The following ZNF133 variants were observed in gnomAD, a reference collection of about 807,000 sequenced individuals.
The protein encoded by ZNF133 is zinc finger protein 133 (clone pHZ-13).
In ZNF133, 26 loss-of-function variants were observed where a neutral mutation model predicts 54.9. That is an observed-to-expected ratio of 0.47 (90% CI 0.35 to 0.66). The LOEUF is 0.66. Ranked by LOEUF, ZNF133 falls within the 30% of genes least tolerant of loss-of-function variation. ZNF133 has a pLI of 0.01. For synonymous variants in ZNF133, 298 were observed against 320.3 expected, an observed-to-expected ratio of 0.93 and a Z score of 0.74; for missense variants, 653 against 820.8, an observed-to-expected ratio of 0.80 and a Z score of 2.50.
chr20:18,314,961 G>A, intron 6 of ZNF133, 108 bp from the exon 7 acceptor site: 1 of 1,094,158 alleles, frequency 9.1e-7, no homozygotes, highest in Non-Finnish European at 1.3e-6. Flanking sequence ...GTCCCGGTTG[G>A]ATGGCACTTA....
chr20:18,307,159 A>G (rs2044827231), intron 6 of ZNF133, among the ~76,000 whole-genome samples: 1 of 152,098 alleles, frequency 6.6e-6, no homozygotes. Context: ...TTTGTTTTCT[A>G]CAATGTATTT....
In ZNF133 at chr20:18,305,681, G is replaced by A. The variant is rs2044419914; in HGVS notation, c.-6G>A. 1.2e-6 allele frequency: 2 copies of A among 1,614,032 alleles called. No individual in the cohort carries two copies. The highest frequency in any genetic ancestry group is 4.5e-5 in the East Asian group (2 of 44,878). On this transcript the variant is annotated splice_region_variant and 5_prime_UTR_variant, in exon 5 of 7. Coordinates refer to ENST00000425686, the MANE Select transcript of ZNF133 (RefSeq NM_001352452.2). This position sits in a 1 kb window ranked among gnomAD's most constrained non-coding sequence, Gnocchi z 4.7. ...AGCAGGGCTCAGTTTTGTGTTACAG[G>A]CACACATGGCATTCAGGGATGTGGC...
intron 3 of ZNF133, among the ~76,000 whole-genome samples, chr20:18,298,956 AAAAAC>A (rs542025406): frequency 6.7e-4 from 102 of 152,292 alleles, no homozygotes; most frequent in Middle Eastern, 3.4e-3. Flanking sequence ...CATCAATATT[AAAAAC>A]AAAACAAAAC....
chr20:18,311,185 G>A (rs1052588158), intron 6 of ZNF133, among the ~76,000 whole-genome samples: 1 of 152,122 alleles, frequency 6.6e-6, no homozygotes, highest in African/African-American at 2.4e-5. Flanking sequence ...CCAGGGTGAG[G>A]TGTTGTGTGC....
chr20:18,303,500 G>GA (rs2043886742), intron 3 of ZNF133, among the ~76,000 whole-genome samples: 1 of 152,132 alleles, frequency 6.6e-6, no homozygotes, highest in Non-Finnish European at 1.5e-5. Context: ...AAACAATCAT[G>GA]AAAGAGAACC....
At chr20:18,298,107 C>T in intron 2 of ZNF133, 45 bp downstream of exon 2, 1 of 1,535,228 alleles carries the variant, frequency 6.5e-7, no homozygotes, top group South Asian at 1.2e-5. Context: ...AGGATGGACA[C>T]ATTCCCTTCT....
In ZNF133 at chr20:18,305,641, G is replaced by C; in HGVS notation, c.-6-40G>C. 1 of 1,613,704 alleles carries C rather than the reference G, an allele frequency of 6.2e-7. No homozygotes were observed. The highest frequency in any genetic ancestry group is 8.5e-7 in the Non-Finnish European group (1 of 1,179,966). On this transcript the variant is annotated intron_variant, in intron 4 of 6. Transcript: ENST00000425686. This position sits in a 1 kb window ranked among gnomAD's most constrained non-coding sequence, Gnocchi z 4.7. ...TGCCCCTCACCCTGCCATGGGCAAG[G>C]CTGGCTTCTGAGTGAGCAGGGCTCA...
At chr20:18,290,901 C>T (rs1443293628) in intron 1 of ZNF133, among the ~76,000 whole-genome samples, 2 of 152,134 alleles carry the variant, frequency 1.3e-5, no homozygotes, top group Non-Finnish European at 2.9e-5. Flanking sequence ...CCAGAGCGGG[C>T]AGATCACCTG....
intron 1 of ZNF133, among the ~76,000 whole-genome samples, chr20:18,291,706 T>C (rs2041042609): frequency 6.9e-6 from 1 of 145,826 alleles, no homozygotes; most frequent in Admixed American, 6.9e-5. Flanking sequence ...CATTTCCAGT[T>C]GGATTTTTTT....
chr20:18,298,976 C>CA (rs2042808604), intron 3 of ZNF133, among the ~76,000 whole-genome samples: 1 of 151,454 alleles, frequency 6.6e-6, no homozygotes, highest in African/African-American at 2.4e-5. Flanking sequence ...CAAAACAAAA[C>CA]AAAAAAACAA....
At position 18,298,366 on chromosome 20, in the gene ZNF133, A is replaced by T; in HGVS notation, c.-276A>T. ...TTCTGGAATCTGTGTCCCCACCTAG[A>T]CAACGATTATACTGGCAGGATCTAT... On this transcript the variant is annotated 5_prime_UTR_variant, in exon 3 of 7. Coordinates refer to ENST00000425686, the MANE Select transcript of ZNF133 (RefSeq NM_001352452.2). The T allele has an allele frequency of 8.0e-7, 1 of 1,242,622 alleles. No individual in the cohort carries two copies. Among genetic ancestry groups the T allele is most frequent in the Non-Finnish European group, 1.0e-6 (1 of 986,596 alleles). 77.0% of individuals were successfully genotyped at this position (1,242,622 alleles called of 1,614,324 possible).
chr20:18,303,797 T>C (rs2043961102), intron 3 of ZNF133, among the ~76,000 whole-genome samples: 2 of 152,152 alleles, frequency 1.3e-5, no homozygotes, highest in Non-Finnish European at 2.9e-5. Flanking sequence ...TAACTGAAAA[T>C]GGATCGAAGA....
At chr20:18,298,645 A>G (rs952249317) in intron 3 of ZNF133, among the ~76,000 whole-genome samples, 181 bp downstream of exon 3, 1 of 152,162 alleles carries the variant, frequency 6.6e-6, no homozygotes, top group Non-Finnish European at 1.5e-5. Context: ...CTGATTGTTA[A>G]TTGCTGTTTC....
At position 18,316,530 on chromosome 20, in the gene ZNF133, G is replaced by C. The variant is rs775444480; in HGVS notation, c.1679G>C (p.Gly560Ala). The C allele has an allele frequency of 3.7e-6, 6 of 1,614,038 alleles. No individual in the cohort carries two copies. In the East Asian group the frequency reaches 1.3e-4, roughly 36 times the overall value. ...YMCRQCGLGFGNKSALITHKR... is the reference protein window; with the variant it reads ...YMCRQCGLGFANKSALITHKR... Reference sequence around the variant, plus strand: ...TGCAGGCAGTGTGGACTGGGCTTTGGCAATAAGTCAGCTCTAATTACACAC... The same window carrying C: ...TGCAGGCAGTGTGGACTGGGCTTTGCCAATAAGTCAGCTCTAATTACACAC... The change falls in exon 7 of 7, where the codon GGC (glycine) becomes GCC (alanine). Residue 560 changes from glycine to alanine, a missense_variant. Gly to Ala is a moderately conservative substitution (Grantham distance 60). This residue lies in a region of ZNF133 where 129 missense variants were observed against 138.5 expected (regional missense o/e 0.93). Coordinates refer to ENST00000425686, the MANE Select transcript of ZNF133 (RefSeq NM_001352452.2).
At chr20:18,311,161 A>T (rs2843445) in intron 6 of ZNF133, among the ~76,000 whole-genome samples, 151,490 of 152,106 alleles carry the variant, frequency 1, 75,437 homozygotes, top group East Asian at 1. Flanking sequence ...CTCTAAAAAA[A>T]TTTTTATAAT....
At chr20:18,314,781 T>C in intron 6 of ZNF133, 1 of 320,250 alleles carries the variant, frequency 3.1e-6, no homozygotes. Flanking sequence ...ATTAATTGTA[T>C]TGAAGGTGAG....
intron 1 of ZNF133, among the ~76,000 whole-genome samples, chr20:18,293,883 C>G (rs2041659953): frequency 6.6e-6 from 1 of 152,120 alleles, no homozygotes; most frequent in Admixed American, 6.5e-5. Context: ...GACAGAACAG[C>G]TTTGACAGAA....
intron 3 of ZNF133, among the ~76,000 whole-genome samples, chr20:18,303,864 T>C (rs2043989766): frequency 6.6e-6 from 1 of 152,216 alleles, no homozygotes; most frequent in African/African-American, 2.4e-5. Context: ...GGCAAACATC[T>C]TTATAACTTT....
rs768873485 is a variant in ZNF133 at position 18,316,709 on chromosome 20, CACCTCAGCAGACACAGGAAGACCA to C, written c.1859_1882del (p.His620_Thr628delinsPro). On this transcript the variant is annotated inframe_deletion, in exon 7 of 7. Coordinates refer to ENST00000425686, the MANE Select transcript of ZNF133 (RefSeq NM_001352452.2). Reference sequence around the variant, plus strand: ...TGGGCGGGGCTTCAGCCTCAAGTCTCACCTCAGCAGACACAGGAAGACCACGTCTGTCCACCACAGACTGCCAGT... The same window carrying C: ...TGGGCGGGGCTTCAGCCTCAAGTCTCCGTCTGTCCACCACAGACTGCCAGT... The C allele has an allele frequency of 3.0e-5, 49 of 1,614,114 alleles. No homozygotes were observed. Among genetic ancestry groups the C allele is most frequent in the Non-Finnish European group, 4.1e-5 (48 of 1,180,046 alleles).
Sources: allele counts gnomAD v4.1 joint callset (sites outside exome capture counted in the v4.1 genomes callset), GRCh38; gene constraint gnomAD v4.1.1; regional missense constraint gnomAD v4.1.1; non-coding constraint Gnocchi (gnomAD v3.1); transcripts MANE v1.5; gene names NCBI Gene and HGNC (gene_info 2026-07-23, HGNC 2026-07-21).